PKHD1L1: variants seen among roughly 807,000 people sequenced by gnomAD.
PKHD1L1 encodes the protein PKHD1 like 1.
A neutral mutation model predicts 462.9 loss-of-function variants in PKHD1L1; 434 were observed. The ratio of observed to expected loss-of-function variants is 0.94; its 90% CI spans 0.87 to 1.02. PKHD1L1 has a LOEUF of 1.02. Among genes scored for constraint, PKHD1L1 ranks in the 50% least tolerant of loss-of-function variants. PKHD1L1 has a pLI of 0.00. For synonymous variants in PKHD1L1, 1,781 were observed against 1,750.0 expected (o/e 1.02, Z -0.44); for missense variants, 5,202 against 5,096.1 (o/e 1.02, Z -0.63).
rs915287483 is a variant in PKHD1L1 at position 109,408,038 on chromosome 8, C to T, written c.1814-11C>T. ...TAATGTCTACAAATTCTGTTTGTCACTTAATTTCAGGAGACTTTGATCTGC... is the reference window on the plus strand; with the variant it reads ...TAATGTCTACAAATTCTGTTTGTCATTTAATTTCAGGAGACTTTGATCTGC... On this transcript the variant is annotated splice_polypyrimidine_tract_variant and intron_variant, in intron 17 of 77. Transcript: ENST00000378402. 3 of 1,565,456 alleles carry T rather than the reference C, an allele frequency of 1.9e-6. No individual in the cohort carries two copies. The highest frequency in any genetic ancestry group is 1.4e-5 in the African/African-American group (1 of 73,982).
rs1010322500 is a variant in PKHD1L1, at chr8:109,410,016, A to G, written c.2085+38A>G. 5 of 1,089,886 alleles carry G rather than the reference A, an allele frequency of 4.6e-6. No individual in the cohort carries two copies. The Admixed American group carries it at 8.0e-5, about 17-fold the overall frequency. 67.5% of individuals were successfully genotyped at this position (1,089,886 alleles called of 1,614,324 possible). A position where few individuals can be genotyped will look rare whatever the true frequency, so the allele number is the denominator to read the frequency against. ...TAATGAACTGTGAAACTGACCTAATAAGAATTTATATAATGGTTTTAAATT... is the reference window on the plus strand; with the variant it reads ...TAATGAACTGTGAAACTGACCTAATGAGAATTTATATAATGGTTTTAAATT... On this transcript the variant is annotated intron_variant, in intron 19 of 77. Coordinates refer to ENST00000378402, the MANE Select transcript of PKHD1L1 (RefSeq NM_177531.6).
intron 4 of PKHD1L1, among the ~76,000 whole-genome samples, chr8:109,383,467 AAT>A (rs1384006669): frequency 7.7e-6 from 1 of 129,404 alleles, no homozygotes; most frequent in East Asian, 2.1e-4. Context: ...ATAATATATA[AAT>A]ATATATAAAA....
At chr8:109,442,306 T>A (rs1324196422) in intron 35 of PKHD1L1, 111 bp downstream of exon 35, 20 of 1,058,242 alleles carry the variant, frequency 1.9e-5, no homozygotes, top group Non-Finnish European at 2.6e-5. Flanking sequence ...TATACACAAA[T>A]GCGTAAGGTA....
Position 109,454,222 on chromosome 8 carries a change from A to G in PKHD1L1, c.6720A>G (p.Leu2240=). The G allele has an allele frequency of 6.2e-7, 1 of 1,607,586 alleles. No individual in the cohort carries two copies. The highest frequency in any genetic ancestry group is 8.5e-7 in the Non-Finnish European group (1 of 1,176,626). The change falls in exon 44 of 78, where the codon CTA becomes CTG. Residue 2240 remains leucine, a synonymous_variant. Transcript: ENST00000378402. ...ADIELQAENI[L]ITDGGVLQIG... is the part of the protein sequence containing the mutation. Reference sequence around the variant, plus strand: ...TTGAACTCCAGGCAGAAAATATTCTAATTACAGATGGAGGTGTTCTTCAGG... The same window carrying G: ...TTGAACTCCAGGCAGAAAATATTCTGATTACAGATGGAGGTGTTCTTCAGG...
At chr8:109,477,436 T>G in intron 53 of PKHD1L1, 40 bp downstream of exon 53, 1 of 1,526,088 alleles carries the variant, frequency 6.6e-7, no homozygotes, top group South Asian at 1.2e-5. Flanking sequence ...TCAATATCTC[T>G]TAACATAATC....
At chr8:109,413,086 T>C (rs1377468497) in intron 20 of PKHD1L1, among the ~76,000 whole-genome samples, 3 of 152,118 alleles carry the variant, frequency 2.0e-5, no homozygotes, top group Non-Finnish European at 4.4e-5. Flanking sequence ...TCTATGTGCA[T>C]TGGACTTTTA....
chr8:109,432,538 A>C (rs554583637), intron 27 of PKHD1L1, among the ~76,000 whole-genome samples: 3 of 152,202 alleles, frequency 2.0e-5, no homozygotes, highest in East Asian at 3.9e-4. Flanking sequence ...CCATCTATCT[A>C]TCTATCTATA....
intron 56 of PKHD1L1, among the ~76,000 whole-genome samples, chr8:109,482,058 C>T (rs1390793457): frequency 6.6e-6 from 1 of 151,668 alleles, no homozygotes; most frequent in Non-Finnish European, 1.5e-5. Flanking sequence ...ATTTAATTTC[C>T]CAGTTGCATT....
rs111618982 is a variant in PKHD1L1, at chr8:109,459,579, G to T, written c.7005-16G>T. The T allele has an allele frequency of 2.0e-6, 3 of 1,479,774 alleles. No homozygotes were observed. Among genetic ancestry groups the T allele is most frequent in the Admixed American group, 5.1e-5 (2 of 38,976 alleles). The allele number at this position is 1,479,774 out of a possible 1,614,324, so 91.7% of individuals were successfully genotyped here. ...TTTATATTAATTTTAAAATTTTTTT[G>T]TCAAAATTTTTACAGACACAGTCAA... On this transcript the variant is annotated splice_polypyrimidine_tract_variant and intron_variant, in intron 46 of 77. Transcript: ENST00000378402.
At chr8:109,412,767 A>G (rs1199468334) in intron 20 of PKHD1L1, among the ~76,000 whole-genome samples, 5 of 152,156 alleles carry the variant, frequency 3.3e-5, no homozygotes, top group Non-Finnish European at 5.9e-5. Flanking sequence ...GCTAGCCATC[A>G]TAGGATGATC....
At chr8:109,489,036 A>C (rs1818694198) in intron 59 of PKHD1L1, among the ~76,000 whole-genome samples, 1 of 151,980 alleles carries the variant, frequency 6.6e-6, no homozygotes, top group Admixed American at 6.6e-5. Flanking sequence ...TAAAGACAAC[A>C]CATCTATGGC....
rs755249589 is a variant in PKHD1L1 at position 109,504,469 on chromosome 8, A to G, written c.10971A>G (p.Ile3657Met). The G allele has an allele frequency of 2.0e-6, 3 of 1,532,004 alleles. No individual in the cohort carries two copies. Among genetic ancestry groups the G allele is most frequent in the Non-Finnish European group, 2.6e-6 (3 of 1,135,944 alleles). 94.9% of individuals were successfully genotyped at this position (1,532,004 alleles called of 1,614,324 possible). ...TTGATACCACTGAACAATCAAAAAT[A>G]TTTATACATAGGCCTGATATAAGGT... is the stretch of plus-strand genomic sequence containing the variant. Reference protein sequence around the residue: ...KLVDTTEQSKIFIHRPDISKV... With the variant: ...KLVDTTEQSKMFIHRPDISKV... The change falls in exon 68 of 78, where the codon ATA becomes ATG. Residue 3657 changes from isoleucine (I) to methionine (M), a missense_variant. This residue lies in a region of PKHD1L1 where 698 missense variants were observed against 736.3 expected (regional missense o/e 0.95). Coordinates refer to ENST00000378402, the MANE Select transcript of PKHD1L1 (RefSeq NM_177531.6).
At chr8:109,500,673 C>CAAAAAAAAAAAA (rs34827783) in intron 67 of PKHD1L1, among the ~76,000 whole-genome samples, 26 of 47,186 alleles carry the variant, frequency 5.5e-4, no homozygotes, top group African/African-American at 2.1e-3. Flanking sequence ...AACTCTGTCT[C>CAAAAAAAAAAAA]AAAAAAAAAA....
chr8:109,394,366 C>T, intron 9 of PKHD1L1, 49 bp from the exon 10 acceptor site: 1 of 1,214,922 alleles, frequency 8.2e-7, no homozygotes, highest in East Asian at 2.6e-5. Flanking sequence ...AAAAAATGTT[C>T]CTAAATTAAA....
chr8:109,374,627 A>C (rs1811706222), intron 2 of PKHD1L1, among the ~76,000 whole-genome samples: 1 of 152,198 alleles, frequency 6.6e-6, no homozygotes, highest in Non-Finnish European at 1.5e-5. Flanking sequence ...ATGTTTTTAC[A>C]GTGGCTGGTA....
At chr8:109,466,246 G>A (rs1288349780) in intron 49 of PKHD1L1, among the ~76,000 whole-genome samples, 3 of 152,232 alleles carry the variant, frequency 2.0e-5, no homozygotes, top group Non-Finnish European at 2.9e-5. Flanking sequence ...TACTAGTTTC[G>A]AGTAAAGGCT....
intron 32 of PKHD1L1, among the ~76,000 whole-genome samples, chr8:109,439,680 C>G (rs1815663222): frequency 6.6e-6 from 1 of 152,056 alleles, no homozygotes; most frequent in Admixed American, 6.6e-5. Flanking sequence ...TTCTCCAACT[C>G]AGTTTTCTGT....
At chr8:109,470,744 A>T in intron 50 of PKHD1L1, 1 of 1,553,664 alleles carries the variant, frequency 6.4e-7, no homozygotes, top group Non-Finnish European at 8.8e-7. Flanking sequence ...TGGGACAGCC[A>T]GTTTCTGAGT....
At chr8:109,392,521 A>G (rs1351902044) in intron 9 of PKHD1L1, among the ~76,000 whole-genome samples, 1 of 152,080 alleles carries the variant, frequency 6.6e-6, no homozygotes, top group Non-Finnish European at 1.5e-5. Flanking sequence ...TAAAGCCAAC[A>G]GCTATCCCTT....
Sources: allele counts gnomAD v4.1 joint callset (sites outside exome capture counted in the v4.1 genomes callset), GRCh38; gene constraint gnomAD v4.1.1; regional missense constraint gnomAD v4.1.1; transcripts MANE v1.5; gene names NCBI Gene and HGNC (gene_info 2026-07-23, HGNC 2026-07-21).